Variants in SDK1 observed in about 807,000 individuals in gnomAD.
SDK1 encodes the protein protein sidekick-1.
A neutral mutation model predicts 245.5 loss-of-function variants in SDK1; 157 were observed. That is an observed-to-expected ratio of 0.64 (90% CI 0.56 to 0.73). The LOEUF is 0.73. SDK1 is among the 30% of genes least tolerant of loss of function. The pLI, the probability that SDK1 is intolerant of heterozygous loss-of-function variation, is 0.00. For missense variants in SDK1, 3,583 were observed against 3,002.3 expected (o/e 1.19, Z -4.52); for synonymous variants, 1,647 against 1,278.5 (o/e 1.29, Z -6.15).
At chr7:4,050,506 GT>G (rs1483435380) in intron 18 of SDK1, among the ~76,000 whole-genome samples, 1 of 152,206 alleles carries the variant, frequency 6.6e-6, no homozygotes, top group African/African-American at 2.4e-5. Flanking sequence ...TACGCTTTGC[GT>G]CCTGCAGCAT....
At chr7:3,553,641 C>T (rs1779488090) in intron 1 of SDK1, among the ~76,000 whole-genome samples, 1 of 152,144 alleles carries the variant, frequency 6.6e-6, no homozygotes, top group South Asian at 2.1e-4. Flanking sequence ...ACTCTTCTTT[C>T]TTGCTGAGAT....
chr7:3,802,027 T>A (rs1779119122), intron 4 of SDK1, among the ~76,000 whole-genome samples: 1 of 152,222 alleles, frequency 6.6e-6, no homozygotes, highest in Non-Finnish European at 1.5e-5. Context: ...ACTTTTTAAC[T>A]TTTTACTGTG....
At chr7:3,542,555 A>T (rs1490409011) in intron 1 of SDK1, among the ~76,000 whole-genome samples, 1 of 152,232 alleles carries the variant, frequency 6.6e-6, no homozygotes, top group Non-Finnish European at 1.5e-5. Context: ...TTAGCATTTA[A>T]TAAGTGTTTA....
At chr7:3,806,056 G>C (rs556352097) in intron 4 of SDK1, among the ~76,000 whole-genome samples, 6 of 152,260 alleles carry the variant, frequency 3.9e-5, no homozygotes, top group African/African-American at 1.4e-4. Context: ...TGAGGTCAAA[G>C]ACAAGGAAAG....
intron 35 of SDK1, among the ~76,000 whole-genome samples, chr7:4,185,952 C>T: frequency 6.6e-6 from 1 of 151,996 alleles, no homozygotes; most frequent in Non-Finnish European, 1.5e-5. Flanking sequence ...GACCCCTGAG[C>T]TCTAAGGGGG....
chr7:4,158,603 G>GAGATACTT, intron 31 of SDK1, 52 bp downstream of exon 31: 1 of 1,338,826 alleles, frequency 7.5e-7, no homozygotes, highest in Admixed American at 1.7e-5. Flanking sequence ...CCTGGAGCCC[G>GAGATACTT]AGATACTTAG....
intron 1 of SDK1, among the ~76,000 whole-genome samples, chr7:3,466,728 T>A (rs1235149816): frequency 6.6e-6 from 1 of 151,814 alleles, no homozygotes; most frequent in Non-Finnish European, 1.5e-5. Flanking sequence ...TTTATACGAT[T>A]ATGATAATCT....
intron 1 of SDK1, among the ~76,000 whole-genome samples, chr7:3,363,018 G>T (rs1241139224): frequency 6.6e-6 from 1 of 152,080 alleles, no homozygotes; most frequent in Admixed American, 6.5e-5. Context: ...GTGGCATCTT[G>T]TTAAATGTGG....
chr7:3,467,029 C>G (rs55646958), intron 1 of SDK1, among the ~76,000 whole-genome samples: 13,921 of 137,556 alleles, frequency 0.1, 732 homozygotes, highest in South Asian at 0.17. Flanking sequence ...CACACACACA[C>G]AGAGATGTAA....
intron 44 of SDK1, among the ~76,000 whole-genome samples, chr7:4,249,167 A>C (rs532968536): frequency 6.6e-6 from 1 of 152,150 alleles, no homozygotes; most frequent in Non-Finnish European, 1.5e-5. Context: ...AACCCACACT[A>C]AATGGAATTC....
chr7:3,484,681 C>G lies in SDK1; in HGVS notation c.299-134399C>G, dbSNP rs1054538393. Among the ~76,000 whole-genome samples the G allele has an allele frequency of 8.5e-5, 13 of 152,134 alleles. 1 individual carries two copies. Among genetic ancestry groups the G allele is most frequent in the Admixed American group, 8.5e-4 (13 of 15,284 alleles). On this transcript the variant is annotated intron_variant, in intron 1 of 44. Transcript: ENST00000404826. ...TTTCCTCTCCCCTGCCCTTCCTAGC[C>G]TCTGGGAAACACTGTTGCACTCACT...
chr7:3,353,614 C>G (rs1342390742), intron 1 of SDK1, among the ~76,000 whole-genome samples: 1 of 152,162 alleles, frequency 6.6e-6, no homozygotes, highest in African/African-American at 2.4e-5. Context: ...CCATTCCAGT[C>G]TATTTCTGAA....
intron 1 of SDK1, among the ~76,000 whole-genome samples, chr7:3,403,922 A>G (rs2128574582): frequency 1.4e-5 from 2 of 144,006 alleles, no homozygotes; most frequent in East Asian, 4.0e-4. Context: ...ATATACAGGC[A>G]TACCTTGGAG....
At chr7:3,371,729 A>T (rs1268906920) in intron 1 of SDK1, among the ~76,000 whole-genome samples, 1 of 152,180 alleles carries the variant, frequency 6.6e-6, no homozygotes, top group Non-Finnish European at 1.5e-5. Context: ...GTAGACGTGG[A>T]GGACAGATAA....
chr7:3,937,428 C>G (rs1254086506), intron 5 of SDK1, among the ~76,000 whole-genome samples: 1 of 152,184 alleles, frequency 6.6e-6, no homozygotes, highest in East Asian at 1.9e-4. Context: ...GCAGAACCAC[C>G]CAGCCTGCAG....
intron 1 of SDK1, among the ~76,000 whole-genome samples, chr7:3,433,117 A>G (rs769603392): frequency 1.6e-4 from 25 of 152,350 alleles, no homozygotes; most frequent in Middle Eastern, 3.4e-3. Context: ...ACATAATTCA[A>G]GTTGACCAGT....
intron 2 of SDK1, among the ~76,000 whole-genome samples, chr7:3,633,549 T>C (rs748147600): frequency 1.3e-5 from 2 of 152,224 alleles, no homozygotes; most frequent in Non-Finnish European, 2.9e-5. Flanking sequence ...GGGGATTCTT[T>C]ATCTTCCCAT....
intron 4 of SDK1, among the ~76,000 whole-genome samples, chr7:3,712,279 G>T (rs1173134870): frequency 1.3e-5 from 2 of 152,214 alleles, no homozygotes; most frequent in Non-Finnish European, 2.9e-5. Context: ...ACCTTATTGT[G>T]AACTGTGCGT....
intron 5 of SDK1, among the ~76,000 whole-genome samples, chr7:3,875,138 T>G (rs1021462260): frequency 2.6e-5 from 4 of 152,238 alleles, no homozygotes; most frequent in African/African-American, 9.6e-5. Flanking sequence ...CTGTCCCAGA[T>G]AAGCAAATGG....
Sources: gnomAD v4.1 joint callset for allele counts (sites outside exome capture counted in the v4.1 genomes callset) on GRCh38, gnomAD v4.1.1 for gene constraint, MANE v1.5 for transcripts, NCBI Gene and HGNC (gene_info 2026-07-23, HGNC 2026-07-21) for gene names.